FUT8: variants seen among roughly 807,000 people sequenced by gnomAD.
FUT8 encodes the protein alpha-(1,6)-fucosyltransferase.
Under a neutral mutation model 71.3 loss-of-function variants are expected in FUT8, and 29 were observed. The observed-to-expected ratio is 0.41, with a 90% CI of 0.30 to 0.55. The LOEUF (loss-of-function observed/expected upper bound fraction) is 0.55. Among genes scored for constraint, FUT8 ranks in the 20% least tolerant of loss-of-function variants. FUT8 has a pLI of 0.34. For synonymous variants in FUT8, 254 were observed against 239.3 expected (o/e 1.06, Z -0.57); for missense variants, 544 against 702.1 (o/e 0.77, Z 2.55).
rs180875565 is a variant in FUT8, at chr14:65,528,634, C to T, written c.-227-32703C>T. 1.8e-4 allele frequency among the ~76,000 whole-genome samples: 27 copies of T among 152,250 alleles called. No homozygotes were observed. The East Asian group carries it at 3.9e-3, about 22-fold the overall frequency. ...AAATGCAGAAATCACCTGTCTTCTG[C>T]GTCGCTCAGGCTGGGAGCTATAGAC... On this transcript the variant is annotated intron_variant, in intron 2 of 10. Coordinates refer to ENST00000673929, the MANE Select transcript of FUT8 (RefSeq NM_001371533.1).
At chr14:65,562,236 T>TA (rs752020655) in intron 3 of FUT8, among the ~76,000 whole-genome samples, 26 of 152,234 alleles carry the variant, frequency 1.7e-4, no homozygotes, top group South Asian at 4.1e-4. Flanking sequence ...GTTATGTATT[T>TA]AAAAAAATTG....
Position 65,733,282 on chromosome 14 carries a change from A to G in FUT8, c.1311A>G (p.Gly437=), listed in dbSNP as rs374802244. The part of the protein sequence containing the change: ...ISDNSISWSA[G]LHNRYTENSL... ...ATAACTCTATTTCCTGGTCAGCTGG[A>G]CTGCACAATCGATACACAGAAAATT... Residue 437 remains glycine, a synonymous_variant, in exon 10 of 11, where the codon GGA becomes GGG. Coordinates refer to ENST00000673929, the MANE Select transcript of FUT8 (RefSeq NM_001371533.1). 15 of 1,607,850 alleles carry G rather than the reference A, an allele frequency of 9.3e-6. No homozygotes were observed. Among genetic ancestry groups the G allele is most frequent in the African/African-American group, 1.3e-5 (1 of 74,812 alleles).
the FUT8 span, among the ~76,000 whole-genome samples, chr14:65,372,835 G>T: frequency 6.6e-6 from 1 of 152,050 alleles, no homozygotes; most frequent in Admixed American, 6.6e-5. Flanking sequence ...CATTTCTCCT[G>T]AGTTCCTTTG....
At chr14:65,555,348 T>A (rs1885532078) in intron 2 of FUT8, among the ~76,000 whole-genome samples, 1 of 152,218 alleles carries the variant, frequency 6.6e-6, no homozygotes, top group African/African-American at 2.4e-5. Context: ...CAACTTTGCC[T>A]AATCTTTGAG....
chr14:65,578,763 AAT>A (rs1347747405), intron 3 of FUT8, among the ~76,000 whole-genome samples: 1 of 152,194 alleles, frequency 6.6e-6, no homozygotes, highest in Non-Finnish European at 1.5e-5. Flanking sequence ...AATAGATTTC[AAT>A]ATATGTATTA....
chr14:65,376,006 G>A, the FUT8 span, among the ~76,000 whole-genome samples: 17 of 151,192 alleles, frequency 1.1e-4, no homozygotes, highest in East Asian at 1.9e-4. Context: ...CCGGAGAATC[G>A]CTTGATCCAG....
intron 2 of FUT8, among the ~76,000 whole-genome samples, chr14:65,526,158 G>A (rs1456811691): frequency 6.6e-6 from 1 of 152,124 alleles, no homozygotes; most frequent in Non-Finnish European, 1.5e-5. Context: ...TGTTGACAGT[G>A]GGGTGTTAAA....
chr14:65,685,224 G>A (rs1429213057), intron 7 of FUT8, among the ~76,000 whole-genome samples: 1 of 152,074 alleles, frequency 6.6e-6, no homozygotes, highest in Non-Finnish European at 1.5e-5. Context: ...TTTTTGCAAA[G>A]TACCGCTCCA....
rs543305136 is a variant in FUT8, at chr14:65,540,803, A to C, written c.-227-20534A>C. 1.1e-4 allele frequency among the ~76,000 whole-genome samples: 16 copies of C among 152,344 alleles called. 1 individual carries two copies. The South Asian group carries it at 3.3e-3, about 32-fold the overall frequency. On this transcript the variant is annotated intron_variant, in intron 2 of 10. Coordinates refer to ENST00000673929, the MANE Select transcript of FUT8 (RefSeq NM_001371533.1). ...AGCATAAATAACTAACGAAGTGAGA[A>C]GATTGTAGATCTACTTTAATCATGC... is the stretch of plus-strand genomic sequence containing the variant.
At chr14:65,369,382 A>G in the FUT8 span, among the ~76,000 whole-genome samples, 5 of 152,346 alleles carry the variant, frequency 3.3e-5, no homozygotes, top group African/African-American at 4.8e-5. The surrounding 1 kb of genome is among the most constrained non-coding windows in gnomAD (Gnocchi z 4.6). Flanking sequence ...CCGACTTGTC[A>G]GAGATGTTTA....
At chr14:65,488,262 A>T (rs1197408310) in intron 2 of FUT8, 5 of 152,200 alleles carry the variant, frequency 3.3e-5, no homozygotes, top group Non-Finnish European at 7.3e-5. Context: ...TTAGTTGATG[A>T]CACATCTTCA....
chr14:65,654,174 G>A (rs769948359), intron 6 of FUT8, among the ~76,000 whole-genome samples: 21 of 152,254 alleles, frequency 1.4e-4, no homozygotes, highest in Admixed American at 2.6e-4. Context: ...CATAAAAGTG[G>A]GGAGAGTAAA....
At chr14:65,477,307 G>A (rs1318715244) in intron 2 of FUT8, among the ~76,000 whole-genome samples, 1 of 152,178 alleles carries the variant, frequency 6.6e-6, no homozygotes. Flanking sequence ...CTCAATAAAT[G>A]TTAATTATTA....
At position 65,467,367 on chromosome 14, in the gene FUT8, G is replaced by T. The variant is rs1369657987; in HGVS notation, c.-228+11649G>T. Among the ~76,000 whole-genome samples, 1 of 152,076 alleles carries T rather than the reference G, an allele frequency of 6.6e-6. No homozygotes were observed. Among genetic ancestry groups the T allele is most frequent in the Middle Eastern group, 3.2e-3 (1 of 316 alleles). On this transcript the variant is annotated intron_variant, in intron 2 of 10. Transcript: ENST00000673929. The surrounding 1 kb of genome is among the most constrained non-coding windows in gnomAD (Gnocchi z 4.1). ...GGCTGGAGTGCAGTGGCACGATCTT[G>T]GCTCACTGCAACCACTGCCTCCCGG...
the FUT8 span, among the ~76,000 whole-genome samples, chr14:65,359,150 G>A: frequency 6.6e-6 from 1 of 151,966 alleles, no homozygotes; most frequent in Non-Finnish European, 1.5e-5. Flanking sequence ...TTTACTTTTG[G>A]GGTTTGTCTT....
At chr14:65,438,731 T>C (rs2065597713) in intron 1 of FUT8, among the ~76,000 whole-genome samples, 2 of 152,170 alleles carry the variant, frequency 1.3e-5, no homozygotes, top group Non-Finnish European at 2.9e-5. Flanking sequence ...CATCTTCCCT[T>C]CTGCTTCCTG....
At chr14:65,686,453 CTG>C (rs1377175916) in intron 7 of FUT8, among the ~76,000 whole-genome samples, 4 of 152,136 alleles carry the variant, frequency 2.6e-5, no homozygotes, top group African/African-American at 9.7e-5. Context: ...TATCATGGAA[CTG>C]TGGTTCCTGA....
upstream of FUT8, chr14:65,410,755 C>T (rs2065113979): frequency 1.3e-5 from 2 of 151,972 alleles, no homozygotes; most frequent in South Asian, 2.1e-4. Context: ...TATTAACCAA[C>T]TAGAAGTAGT....
intron 7 of FUT8, among the ~76,000 whole-genome samples, chr14:65,687,520 A>G (rs1893353662): frequency 6.6e-6 from 1 of 152,202 alleles, no homozygotes; most frequent in Non-Finnish European, 1.5e-5. Flanking sequence ...AAACCCAGAA[A>G]GTACAGAAAA....
Sources: gnomAD v4.1 joint callset for allele counts (sites outside exome capture counted in the v4.1 genomes callset) on GRCh38, gnomAD v4.1.1 for gene constraint, Gnocchi (gnomAD v3.1) non-coding constraint, MANE v1.5 for transcripts, NCBI Gene and HGNC (gene_info 2026-07-23, HGNC 2026-07-21) for gene names.